The following DOCK10 variants were observed in gnomAD, a reference collection of about 807,000 sequenced individuals.
The protein encoded by DOCK10 is dedicator of cytokinesis 10.
DOCK10 carries 145 observed loss-of-function variants against 280.1 expected under a neutral mutation model. The ratio of observed to expected loss-of-function variants is 0.52; its 90% CI spans 0.45 to 0.59. The LOEUF is 0.59. DOCK10 is among the 20% of genes least tolerant of loss of function. The probability of loss-of-function intolerance (pLI) is 0.00; values close to 1 mark genes in which losing one functional copy is unlikely to be tolerated. For synonymous variants in DOCK10, 915 were observed against 942.2 expected, an observed-to-expected ratio of 0.97 and a Z score of 0.53; for missense variants, 2,368 against 2,651.7, an observed-to-expected ratio of 0.89 and a Z score of 2.35.
At chr2:224,796,904 C>A (rs1692617889) in intron 43 of DOCK10, 60 bp downstream of exon 43, 1 of 1,498,034 alleles carries the variant, frequency 6.7e-7, no homozygotes, top group Non-Finnish European at 9.2e-7. Context: ...AGGCTTTAAG[C>A]ACTGCTGAAA....
At chr2:224,917,322 G>C (rs923693400) in intron 2 of DOCK10, among the ~76,000 whole-genome samples, 1 of 151,896 alleles carries the variant, frequency 6.6e-6, no homozygotes, top group African/African-American at 2.4e-5. Flanking sequence ...GGCCAGGCTG[G>C]TCCTGAACTC....
At chr2:224,892,379 C>A (rs1188310516) in intron 4 of DOCK10, among the ~76,000 whole-genome samples, 1 of 103,868 alleles carries the variant, frequency 9.6e-6, no homozygotes, top group Non-Finnish European at 1.7e-5. Flanking sequence ...AGCCTGGGGA[C>A]GAAGTGAGAC....
At chr2:224,945,518 AAAC>A (rs1245556323) in intron 1 of DOCK10, among the ~76,000 whole-genome samples, 4 of 152,156 alleles carry the variant, frequency 2.6e-5, no homozygotes, top group Non-Finnish European at 5.9e-5. Flanking sequence ...GAAACTGAAC[AAAC>A]AACAACACAG....
intron 3 of DOCK10, among the ~76,000 whole-genome samples, chr2:224,899,440 C>T (rs1700169190): frequency 6.6e-6 from 1 of 152,058 alleles, no homozygotes; most frequent in Non-Finnish European, 1.5e-5. Flanking sequence ...AATTCCATGC[C>T]CTCTTGGATT....
At chr2:224,883,703 C>CT (rs1215976605) in intron 7 of DOCK10, among the ~76,000 whole-genome samples, 1 of 152,104 alleles carries the variant, frequency 6.6e-6, no homozygotes, top group Non-Finnish European at 1.5e-5. Flanking sequence ...TTCAATACTC[C>CT]TTTTTTTCCA....
At chr2:224,886,567 A>G in intron 4 of DOCK10, 36 bp from the exon 5 acceptor site, 3 of 1,540,628 alleles carry the variant, frequency 1.9e-6, no homozygotes, top group Non-Finnish European at 2.6e-6. Context: ...CTGATTTGTC[A>G]TTGGAGACAG....
chr2:225,041,668 G>A (rs1305603209), intron 1 of DOCK10, among the ~76,000 whole-genome samples: 2 of 152,204 alleles, frequency 1.3e-5, no homozygotes, highest in Non-Finnish European at 2.9e-5. Flanking sequence ...GCCCTTTCTG[G>A]AGGAGTATTA....
At chr2:224,874,615 A>T in intron 9 of DOCK10, 51 bp downstream of exon 9, 1 of 1,516,828 alleles carries the variant, frequency 6.6e-7, no homozygotes, top group Non-Finnish European at 9.2e-7. Flanking sequence ...GAAAGCAATA[A>T]CTAACAAATA....
intron 38 of DOCK10, 54 bp downstream of exon 38, chr2:224,804,740 T>C (rs765925021): frequency 6.1e-6 from 7 of 1,155,818 alleles, no homozygotes; most frequent in Non-Finnish European, 7.3e-6. Context: ...CATTAATACA[T>C]GTCATATGCT....
In DOCK10 at chr2:224,996,464, T is replaced by A. The variant is rs185995975; in HGVS notation, c.123+45788A>T. On this transcript the variant is annotated intron_variant, in intron 1 of 55. Transcript: ENST00000258390. ...CATTTCATCTGTAAACTAAGGAGAG[T>A]AAGTGTAATGACAGTTAGGATGCCC... 2.3e-3 allele frequency among the ~76,000 whole-genome samples: 351 copies of A among 152,198 alleles called. 8 individuals carry two copies. The highest frequency in any genetic ancestry group is 0.022 in the Admixed American group (338 of 15,278).
intron 1 of DOCK10, among the ~76,000 whole-genome samples, chr2:224,940,245 C>A (rs1347596858): frequency 7.9e-5 from 12 of 152,190 alleles, no homozygotes; most frequent in African/African-American, 2.2e-4. Context: ...CTGTTCTGAG[C>A]TTCTCTAAGT....
intron 18 of DOCK10, among the ~76,000 whole-genome samples, chr2:224,851,925 G>C (rs1303607649): frequency 6.6e-6 from 1 of 152,094 alleles, no homozygotes; most frequent in Non-Finnish European, 1.5e-5. Context: ...CATTTTTCCA[G>C]TTCCTCAGGC....
intron 1 of DOCK10, among the ~76,000 whole-genome samples, chr2:224,963,621 G>A (rs556797001): frequency 6.6e-6 from 1 of 152,306 alleles, no homozygotes; most frequent in African/African-American, 2.4e-5. Flanking sequence ...TTAATGGTAT[G>A]GCTCAAACCT....
intron 1 of DOCK10, among the ~76,000 whole-genome samples, chr2:224,987,798 C>T (rs1706011166): frequency 6.6e-6 from 1 of 152,126 alleles, no homozygotes; most frequent in Admixed American, 6.5e-5. Flanking sequence ...ACTGACAGAA[C>T]CTACAGTCAA....
At chr2:224,838,540 G>A (rs959972573) in intron 24 of DOCK10, among the ~76,000 whole-genome samples, 1 of 152,158 alleles carries the variant, frequency 6.6e-6, no homozygotes, top group African/African-American at 2.4e-5. Flanking sequence ...CACAGCTGGG[G>A]ACTTTTGATG....
intron 11 of DOCK10, among the ~76,000 whole-genome samples, chr2:224,872,916 A>AC (rs573902436): frequency 1.5e-3 from 227 of 152,066 alleles, no homozygotes; most frequent in Middle Eastern, 0.01. Flanking sequence ...AACATAATCA[A>AC]GATTGATATA....
chr2:224,813,105 A>T (rs867144809), intron 31 of DOCK10, among the ~76,000 whole-genome samples: 7 of 152,238 alleles, frequency 4.6e-5, no homozygotes, highest in Non-Finnish European at 8.8e-5. Flanking sequence ...CAGACTTAAA[A>T]AATAGAACTA....
chr2:224,779,104 A>G (rs1691101722), intron 50 of DOCK10, among the ~76,000 whole-genome samples: 1 of 152,190 alleles, frequency 6.6e-6, no homozygotes, highest in African/African-American at 2.4e-5. Context: ...AACTAAGTGA[A>G]GCAATCTTTA....
chr2:224,924,847 C>CT (rs1486576526), intron 2 of DOCK10, among the ~76,000 whole-genome samples: 3 of 151,946 alleles, frequency 2.0e-5, no homozygotes, highest in South Asian at 2.1e-4. Flanking sequence ...ACTTGTGTGC[C>CT]TTTTTTTTCT....
Sources: allele counts gnomAD v4.1 joint callset (sites outside exome capture counted in the v4.1 genomes callset), GRCh38; gene constraint gnomAD v4.1.1; transcripts MANE v1.5; gene names NCBI Gene and HGNC (gene_info 2026-07-23, HGNC 2026-07-21).